Variants in ADGRG6 observed in about 807,000 individuals in gnomAD.
ADGRG6 encodes the protein G-protein coupled receptor 126.
A neutral mutation model predicts 142.4 loss-of-function variants in ADGRG6; 84 were observed. That is an observed-to-expected ratio of 0.59 (90% CI 0.49 to 0.71). The LOEUF (loss-of-function observed/expected upper bound fraction) is 0.71. Ranked by LOEUF, ADGRG6 falls within the 30% of genes least tolerant of loss-of-function variation. ADGRG6 has a pLI of 0.00. For synonymous variants in ADGRG6, 521 were observed against 520.5 expected (o/e 1.00, Z -0.01); for missense variants, 1,367 against 1,466.6 (o/e 0.93, Z 1.11).
At chr6:142,350,584 T>G (rs543846502) in intron 2 of ADGRG6, among the ~76,000 whole-genome samples, 3 of 152,314 alleles carry the variant, frequency 2.0e-5, no homozygotes, top group Admixed American at 1.3e-4. Context: ...CTTTAATATT[T>G]ATAATGTGTG....
At chr6:142,333,540 A>G (rs1169322660) in intron 2 of ADGRG6, among the ~76,000 whole-genome samples, 1 of 152,110 alleles carries the variant, frequency 6.6e-6, no homozygotes, top group Admixed American at 6.5e-5. Flanking sequence ...AGTAGATATA[A>G]GGTCTCACTG....
intron 1 of ADGRG6, among the ~76,000 whole-genome samples, chr6:142,308,990 T>G (rs936596740): frequency 6.6e-6 from 1 of 151,902 alleles, no homozygotes; most frequent in Non-Finnish European, 1.5e-5. Context: ...GATAGCTATT[T>G]TATATATAAA....
chr6:142,389,320 T>G (rs1377097334), intron 6 of ADGRG6, among the ~76,000 whole-genome samples: 1 of 151,970 alleles, frequency 6.6e-6, no homozygotes, highest in African/African-American at 2.4e-5. Flanking sequence ...ATTATGTATT[T>G]CTATATTTTG....
chr6:142,369,978 T>A (rs753209255), intron 3 of ADGRG6, among the ~76,000 whole-genome samples, 192 bp from the exon 4 acceptor site: 5 of 152,166 alleles, frequency 3.3e-5, no homozygotes, highest in Non-Finnish European at 5.9e-5. Flanking sequence ...GTAGAATTTC[T>A]TATTATTACT....
rs199546598 is a variant in ADGRG6 at position 142,391,374 on chromosome 6, G to A, written c.1308+1031G>A. On this transcript the variant is annotated intron_variant, in intron 7 of 24. Coordinates refer to ENST00000367609, the MANE Select transcript of ADGRG6 (RefSeq NM_198569.3). Reference sequence around the variant, plus strand: ...AAATGGGTTTTCATATATATTTGGTGTTTGATAAACGTGTCTTTGGTAGCA... The same window carrying A: ...AAATGGGTTTTCATATATATTTGGTATTTGATAAACGTGTCTTTGGTAGCA... Among the ~76,000 whole-genome samples the A allele has an allele frequency of 2.0e-5, 3 of 150,344 alleles. No homozygotes were observed. The East Asian group carries it at 5.8e-4, about 29-fold the overall frequency.
intron 2 of ADGRG6, among the ~76,000 whole-genome samples, chr6:142,347,787 C>T (rs1200817716): frequency 6.6e-6 from 1 of 152,100 alleles, no homozygotes; most frequent in Non-Finnish European, 1.5e-5. Context: ...ACATTTAACA[C>T]TTTGAAGAAC....
At chr6:142,405,375 C>T (rs1775747458) in intron 14 of ADGRG6, 1 of 483,212 alleles carries the variant, frequency 2.1e-6, no homozygotes, top group African/African-American at 1.9e-5. Context: ...TTGAGAAAAC[C>T]TCAAAATCTG....
chr6:142,362,300 T>C (rs1583036949), intron 2 of ADGRG6, among the ~76,000 whole-genome samples: 1 of 152,308 alleles, frequency 6.6e-6, no homozygotes, highest in African/African-American at 2.4e-5. Context: ...TAGCTCCTTA[T>C]TCAGGGTGTT....
At chr6:142,335,984 G>A (rs1394282488) in intron 2 of ADGRG6, among the ~76,000 whole-genome samples, 1 of 152,124 alleles carries the variant, frequency 6.6e-6, no homozygotes, top group Non-Finnish European at 1.5e-5. Context: ...TTTGGAACTG[G>A]GGTGGCCATA....
At chr6:142,343,171 T>C (rs1437897473) in intron 2 of ADGRG6, among the ~76,000 whole-genome samples, 3 of 151,808 alleles carry the variant, frequency 2.0e-5, no homozygotes, top group Admixed American at 2.0e-4. Flanking sequence ...CTTTTCCTGT[T>C]TTTTTGTTTA....
intron 10 of ADGRG6, among the ~76,000 whole-genome samples, chr6:142,400,024 C>A (rs945798023): frequency 6.6e-6 from 1 of 152,096 alleles, no homozygotes; most frequent in Non-Finnish European, 1.5e-5. Flanking sequence ...GCTATCAGAG[C>A]AGCTGGAACA....
At chr6:142,395,082 T>TC (rs1775104727) in intron 9 of ADGRG6, among the ~76,000 whole-genome samples, 1 of 152,158 alleles carries the variant, frequency 6.6e-6, no homozygotes. Context: ...GCTTTTTTTT[T>TC]CTTTTCAACA....
At chr6:142,348,468 A>G (rs1583018718) in intron 2 of ADGRG6, among the ~76,000 whole-genome samples, 2 of 152,170 alleles carry the variant, frequency 1.3e-5, no homozygotes, top group Admixed American at 6.5e-5. Flanking sequence ...AATTCCCTAC[A>G]TTATTAAAAA....
rs775304054 is a variant in ADGRG6, at chr6:142,309,594, G to A, written c.53G>A (p.Ser18Asn). The A allele has an allele frequency of 1.9e-6, 3 of 1,609,016 alleles. No individual in the cohort carries two copies. The highest frequency in any genetic ancestry group is 1.1e-5 in the South Asian group (1 of 90,126). Residue 18 changes from serine (S) to asparagine (N), a missense_variant, in exon 2 of 25, where the codon AGT becomes AAT. Physicochemically the swap from Ser to Asn is conservative, Grantham distance 46. Around this residue, in one of 3 missense-constraint regions of ADGRG6, gnomAD observed 737 missense variants for 746.5 expected, o/e 0.99. Transcript: ENST00000367609. Reference sequence around the variant, plus strand: ...AGCTGCCATTGGAAATGGAAGCCCAGTCCTCTCCTGTTCTTATTTGCTTTA... The same window carrying A: ...AGCTGCCATTGGAAATGGAAGCCCAATCCTCTCCTGTTCTTATTTGCTTTA... The part of the protein sequence containing the change: ...MWSCHWKWKP[S>N]PLLFLFALYI...
chr6:142,431,754 C>T (rs1278895599), intron 22 of ADGRG6, among the ~76,000 whole-genome samples: 3 of 152,112 alleles, frequency 2.0e-5, no homozygotes, highest in Admixed American at 1.3e-4. Flanking sequence ...GAAGCCCCGC[C>T]TCTATTAAAA....
chr6:142,312,726 A>G (rs1405779832), intron 2 of ADGRG6, among the ~76,000 whole-genome samples: 2 of 152,112 alleles, frequency 1.3e-5, no homozygotes, highest in Non-Finnish European at 2.9e-5. Flanking sequence ...AAATAAAAAA[A>G]CATAAATATG....
At chr6:142,420,242 G>A (rs1337961431) in intron 22 of ADGRG6, 138 bp downstream of exon 22, 1 of 693,438 alleles carries the variant, frequency 1.4e-6, no homozygotes, top group Non-Finnish European at 2.5e-6. Flanking sequence ...GTGCAGTGTG[G>A]TCACTTGTTA....
intron 2 of ADGRG6, among the ~76,000 whole-genome samples, chr6:142,363,011 C>T (rs1392013522): frequency 1.3e-5 from 2 of 152,158 alleles, no homozygotes; most frequent in South Asian, 2.1e-4. Context: ...ACCAAGCAGG[C>T]AACTTAAGCT....
chr6:142,394,977 A>G lies in ADGRG6; in HGVS notation c.1424+1019A>G, dbSNP rs185479081. On this transcript the variant is annotated intron_variant, in intron 9 of 24. Transcript: ENST00000367609. ...ATCTCAATAGACTGAATTAAATCTT[A>G]TGGATATACAGCCCTGATGACGGAG... is the stretch of plus-strand genomic sequence containing the variant. Among the ~76,000 whole-genome samples the G allele has an allele frequency of 2.0e-4, 31 of 152,244 alleles. 1 individual carries two copies. The East Asian group carries it at 4.6e-3, about 23-fold the overall frequency.
Sources: allele counts gnomAD v4.1 joint callset (sites outside exome capture counted in the v4.1 genomes callset), GRCh38; gene constraint gnomAD v4.1.1; regional missense constraint gnomAD v4.1.1; transcripts MANE v1.5; gene names NCBI Gene and HGNC (gene_info 2026-07-23, HGNC 2026-07-21).